The following TRABD2B variants were observed in gnomAD, a reference collection of about 807,000 sequenced individuals.
TRABD2B encodes metalloprotease TIKI2.
A neutral mutation model predicts 40.1 loss-of-function variants in TRABD2B; 14 were observed. The observed-to-expected ratio is 0.35, with a 90% CI of 0.23 to 0.55. TRABD2B has a LOEUF of 0.55. TRABD2B is among the 20% of genes least tolerant of loss of function. The pLI is 0.90. For synonymous variants in TRABD2B, 263 were observed against 277.0 expected (o/e 0.95, Z 0.50); for missense variants, 541 against 648.6 (o/e 0.83, Z 1.80).
intron 3 of TRABD2B, among the ~76,000 whole-genome samples, chr1:47,799,901 A>G (rs1644798698): frequency 6.6e-6 from 1 of 152,160 alleles, no homozygotes; most frequent in Non-Finnish European, 1.5e-5. Context: ...CCATCCTCAT[A>G]GCAAGGATCA....
At chr1:47,950,592 G>A (rs1232264013) in intron 2 of TRABD2B, among the ~76,000 whole-genome samples, 1 of 152,184 alleles carries the variant, frequency 6.6e-6, no homozygotes, top group Non-Finnish European at 1.5e-5. Flanking sequence ...GGATGGCTCT[G>A]GATTATTCCA....
chr1:47,943,282 A>G (rs1212856064), intron 2 of TRABD2B, among the ~76,000 whole-genome samples: 2 of 152,248 alleles, frequency 1.3e-5, no homozygotes, highest in Non-Finnish European at 2.9e-5. Context: ...AAAGATGCCA[A>G]TGTTCCCCCA....
chr1:47,795,693 G>C, intron 3 of TRABD2B: 1 of 985,382 alleles, frequency 1.0e-6, no homozygotes, highest in Non-Finnish European at 1.2e-6. Flanking sequence ...ACAGAGATGA[G>C]AGAAAGGATC....
At chr1:47,847,387 T>C (rs1000514522) in intron 2 of TRABD2B, among the ~76,000 whole-genome samples, 1 of 152,218 alleles carries the variant, frequency 6.6e-6, no homozygotes, top group Non-Finnish European at 1.5e-5. Context: ...ATATTGATTA[T>C]CTTCGTGTCT....
intron 4 of TRABD2B, among the ~76,000 whole-genome samples, chr1:47,784,562 C>T (rs1172690589): frequency 1.3e-5 from 2 of 152,220 alleles, no homozygotes; most frequent in African/African-American, 2.4e-5. Flanking sequence ...CATCCCAAGC[C>T]CATATTTATG....
chr1:47,948,561 G>T (rs571588175), intron 2 of TRABD2B, among the ~76,000 whole-genome samples: 13 of 152,190 alleles, frequency 8.5e-5, no homozygotes, highest in Non-Finnish European at 1.6e-4. Context: ...CAACCCTTTA[G>T]GTTTAAAAAA....
At chr1:47,955,299 A>C (rs1377433727) in intron 2 of TRABD2B, among the ~76,000 whole-genome samples, 1 of 152,124 alleles carries the variant, frequency 6.6e-6, no homozygotes, top group Non-Finnish European at 1.5e-5. Flanking sequence ...CTCCTTCCCC[A>C]GTCCCTTTCT....
intron 2 of TRABD2B, among the ~76,000 whole-genome samples, chr1:47,906,735 C>T (rs2124692949): frequency 6.6e-6 from 1 of 152,332 alleles, no homozygotes; most frequent in African/African-American, 2.4e-5. Context: ...GGAACAGGGG[C>T]CCAGAATCTT....
chr1:47,805,818 TA>T lies in TRABD2B; in HGVS notation c.667-4200del, dbSNP rs370627213. Among the ~76,000 whole-genome samples, 210 of 145,430 alleles carry T rather than the reference TA, an allele frequency of 1.4e-3. 1 individual carries two copies. The highest frequency in any genetic ancestry group is 7.2e-3 in the Middle Eastern group (2 of 278). On this transcript the variant is annotated intron_variant, in intron 2 of 6. Transcript: ENST00000606738. ...AACTCTATTATTAGCTCCATTTAAT[TA>T]AAAAAAAAAAACTGCAGCAAAGAGA...
At chr1:47,869,663 G>C (rs1644113176) in intron 2 of TRABD2B, among the ~76,000 whole-genome samples, 1 of 152,146 alleles carries the variant, frequency 6.6e-6, no homozygotes, top group Non-Finnish European at 1.5e-5. Context: ...GCAGAGAGAA[G>C]GCAGGAAAAG....
intron 2 of TRABD2B, among the ~76,000 whole-genome samples, chr1:47,839,768 G>A (rs915215786): frequency 6.6e-6 from 1 of 152,162 alleles, no homozygotes; most frequent in African/African-American, 2.4e-5. Context: ...AATGATGAGG[G>A]GAGGGCAACC....
At position 47,949,401 on chromosome 1, in the gene TRABD2B, C is replaced by CTTTTTTT. The variant is rs35027686; in HGVS notation, c.666+44626_666+44632dup. Among the ~76,000 whole-genome samples the CTTTTTTT allele has an allele frequency of 4.0e-4, 32 of 80,286 alleles. 1 individual carries two copies. The highest frequency in any genetic ancestry group is 5.9e-4 in the South Asian group (1 of 1,686). The allele number at this position is 80,286 out of a possible 152,430, so 52.7% of individuals were successfully genotyped here. ...TCTATGATTGTATTTTCTTTTCTTT[C>CTTTTTTT]TTTTTTTTTTTTTTTTTTTTTTTTG... On this transcript the variant is annotated intron_variant, in intron 2 of 6. Coordinates refer to ENST00000606738, the MANE Select transcript of TRABD2B (RefSeq NM_001194986.2).
At chr1:47,795,878 C>T (rs901135629) in intron 3 of TRABD2B, among the ~76,000 whole-genome samples, 1 of 152,188 alleles carries the variant, frequency 6.6e-6, no homozygotes, top group African/African-American at 2.4e-5. Flanking sequence ...TAGCTTGGAG[C>T]TGCCTAGGTG....
intron 2 of TRABD2B, among the ~76,000 whole-genome samples, chr1:47,834,524 G>A (rs939614660): frequency 2.0e-5 from 3 of 151,974 alleles, no homozygotes; most frequent in Non-Finnish European, 4.4e-5. Context: ...CTAAGGCAGA[G>A]TTGTAAACTG....
chr1:47,844,391 G>A (rs1445527566), intron 2 of TRABD2B, among the ~76,000 whole-genome samples: 2 of 152,214 alleles, frequency 1.3e-5, no homozygotes, highest in Admixed American at 1.3e-4. Context: ...TGGCAGCCCA[G>A]CTTGGAGGCG....
At chr1:47,798,270 C>T (rs570798736) in intron 3 of TRABD2B, among the ~76,000 whole-genome samples, 2 of 152,240 alleles carry the variant, frequency 1.3e-5, no homozygotes, top group Admixed American at 6.5e-5. Context: ...AGGTCGATGG[C>T]TAGAGGAGAT....
chr1:47,796,434 C>A (rs1314577689), intron 3 of TRABD2B, among the ~76,000 whole-genome samples: 1 of 151,978 alleles, frequency 6.6e-6, no homozygotes, highest in East Asian at 2.0e-4. Context: ...CCCTAAATGG[C>A]CCTGCAGCCC....
intron 2 of TRABD2B, among the ~76,000 whole-genome samples, chr1:47,869,732 A>C (rs1238198455): frequency 6.6e-6 from 1 of 152,244 alleles, no homozygotes; most frequent in Non-Finnish European, 1.5e-5. Context: ...TCAAAATCGC[A>C]TTGCCTTTGA....
At chr1:47,834,579 G>GCACACACACACACA (rs3035710) in intron 2 of TRABD2B, among the ~76,000 whole-genome samples, 9 of 148,926 alleles carry the variant, frequency 6.0e-5, no homozygotes, top group African/African-American at 2.0e-4. Flanking sequence ...ACACACACGC[G>GCACACACACACACA]CACACACACA....
Sources: gnomAD v4.1 joint callset for allele counts (sites outside exome capture counted in the v4.1 genomes callset) on GRCh38, gnomAD v4.1.1 for gene constraint, MANE v1.5 for transcripts, NCBI Gene and HGNC (gene_info 2026-07-23, HGNC 2026-07-21) for gene names.